FMN2: variants seen among roughly 807,000 people sequenced by gnomAD.
The protein encoded by FMN2 is formin 2, also known as formin-2.
Under a neutral mutation model 142.3 loss-of-function variants are expected in FMN2, and 51 were observed. The ratio of observed to expected loss-of-function variants is 0.36; its 90% confidence interval spans 0.29 to 0.45. FMN2 has a LOEUF of 0.45. FMN2 is among the 20% of genes least tolerant of loss of function. FMN2 has a pLI of 1.00. For synonymous variants in FMN2, 882 were observed against 869.8 expected, an observed-to-expected ratio of 1.01 and a Z score of -0.25; for missense variants, 1,936 against 2,122.8, an observed-to-expected ratio of 0.91 and a Z score of 1.73.
intron 15 of FMN2, among the ~76,000 whole-genome samples, chr1:240,426,309 T>TAA (rs11369353): frequency 7.2e-5 from 11 of 151,780 alleles, no homozygotes; most frequent in South Asian, 4.2e-4. Context: ...TCTTTTCAAG[T>TAA]AAAAAAAATC....
chr1:240,093,239 G>A lies in FMN2; in HGVS notation c.1130G>A (p.Arg377Lys). Residue 377 changes from arginine (R) to lysine (K), a missense_variant, in exon 1 of 18, where the codon AGG becomes AAG. Around this residue, in one of 8 missense-constraint regions of FMN2, gnomAD observed 751 missense variants for 791.8 expected, o/e 0.95. Coordinates refer to ENST00000319653, the MANE Select transcript of FMN2 (RefSeq NM_020066.5). ...APEVGEDAPQ[R>K]LGEEPEEEAQ... The stretch of plus-strand genomic sequence containing the variant: ...GAGGTGGGAGAGGACGCCCCGCAGA[G>A]GCTGGGGGAAGAGCCGGAGGAGGAG... The A allele has an allele frequency of 1.3e-6, 2 of 1,564,180 alleles. No homozygotes were observed. Among genetic ancestry groups the A allele is most frequent in the African/African-American group, 2.7e-5 (2 of 73,650 alleles).
At chr1:240,376,111 C>T (rs1673034429) in intron 14 of FMN2, among the ~76,000 whole-genome samples, 1 of 151,910 alleles carries the variant, frequency 6.6e-6, no homozygotes, top group Non-Finnish European at 1.5e-5. Flanking sequence ...GTTCTGAGGT[C>T]TGATTTGCCT....
chr1:240,245,838 T>C (rs989759473), intron 6 of FMN2, among the ~76,000 whole-genome samples: 3 of 152,174 alleles, frequency 2.0e-5, no homozygotes, highest in African/African-American at 7.2e-5. Context: ...TAACTGATGA[T>C]GGCTCACTTC....
intron 2 of FMN2, among the ~76,000 whole-genome samples, chr1:240,154,929 C>CA (rs1351762546): frequency 1.4e-5 from 2 of 145,496 alleles, no homozygotes; most frequent in Non-Finnish European, 3.0e-5. Flanking sequence ...TGCTGTCGTC[C>CA]AGGCTGGAGT....
intron 6 of FMN2, among the ~76,000 whole-genome samples, chr1:240,241,700 C>G (rs1667901250): frequency 6.6e-6 from 1 of 151,872 alleles, no homozygotes; most frequent in African/African-American, 2.4e-5. Flanking sequence ...GGCTATGGCG[C>G]TACTCCTCTT....
intron 6 of FMN2, among the ~76,000 whole-genome samples, chr1:240,229,077 C>T (rs1667446385): frequency 6.6e-6 from 1 of 151,830 alleles, no homozygotes; most frequent in African/African-American, 2.4e-5. Flanking sequence ...GACAGATTTG[C>T]TGTGTTTATG....
At chr1:240,427,825 G>A (rs1675012018) in intron 15 of FMN2, among the ~76,000 whole-genome samples, 1 of 152,156 alleles carries the variant, frequency 6.6e-6, no homozygotes, top group African/African-American at 2.4e-5. Context: ...TAGGTGGTAT[G>A]GTGTGTTCTA....
At chr1:240,392,019 C>T (rs960630519) in intron 14 of FMN2, among the ~76,000 whole-genome samples, 1 of 151,922 alleles carries the variant, frequency 6.6e-6, no homozygotes, top group Non-Finnish European at 1.5e-5. Flanking sequence ...TCAGAACAGA[C>T]CATGATCTGT....
At position 240,474,281 on chromosome 1, in the gene FMN2, T is replaced by C. The variant is rs1381534762; in HGVS notation, c.*127T>C. ...TTCTTGACCTCTTGCATAATCTTTTTGTTTTCTAGACAGTTCACTAATTGT... is the reference window on the plus strand; with the variant it reads ...TTCTTGACCTCTTGCATAATCTTTTCGTTTTCTAGACAGTTCACTAATTGT... On this transcript the variant is annotated 3_prime_UTR_variant, in exon 18 of 18. Coordinates refer to ENST00000319653, the MANE Select transcript of FMN2 (RefSeq NM_020066.5). 4.6e-6 allele frequency: 4 copies of C among 866,648 alleles called. No individual in the cohort carries two copies. In the African/African-American group the frequency reaches 5.3e-5, roughly 12 times the overall value. The allele number at this position is 866,648 out of a possible 1,614,324, so 53.7% of individuals were successfully genotyped here. A position where few individuals can be genotyped will look rare whatever the true frequency, so the allele number is the denominator to read the frequency against.
At chr1:240,154,433 GT>G (rs1663927241) in intron 2 of FMN2, among the ~76,000 whole-genome samples, 1 of 152,142 alleles carries the variant, frequency 6.6e-6, no homozygotes, top group Non-Finnish European at 1.5e-5. Flanking sequence ...GGAAAACCTG[GT>G]TTCTGCCTCA....
chr1:240,384,575 A>G (rs1006122180), intron 14 of FMN2, among the ~76,000 whole-genome samples: 7 of 151,728 alleles, frequency 4.6e-5, no homozygotes, highest in Non-Finnish European at 1.0e-4. Flanking sequence ...TTTCTACTTG[A>G]CTAAGACTTG....
intron 8 of FMN2, among the ~76,000 whole-genome samples, chr1:240,320,718 G>A (rs368247880): frequency 1.4e-4 from 22 of 152,142 alleles, no homozygotes; most frequent in Non-Finnish European, 1.2e-4. Flanking sequence ...AGGTTTTACC[G>A]AACATTAGTT....
intron 8 of FMN2, among the ~76,000 whole-genome samples, chr1:240,319,966 G>T (rs1235349153): frequency 1.3e-5 from 2 of 152,154 alleles, no homozygotes; most frequent in African/African-American, 2.4e-5. Context: ...GTTGCAGAAG[G>T]TATATGAGTC....
chr1:240,422,633 G>A (rs999596797), intron 15 of FMN2, among the ~76,000 whole-genome samples: 1 of 152,170 alleles, frequency 6.6e-6, no homozygotes. Context: ...TTAGCTCCGG[G>A]AGTTATTTTG....
intron 8 of FMN2, among the ~76,000 whole-genome samples, chr1:240,302,406 G>T (rs1028562195): frequency 6.6e-6 from 1 of 151,446 alleles, no homozygotes; most frequent in African/African-American, 2.4e-5. Flanking sequence ...CAAGTCCAAA[G>T]AAAAATGAAT....
intron 11 of FMN2, among the ~76,000 whole-genome samples, chr1:240,331,814 T>G (rs1342832446): frequency 6.6e-6 from 1 of 152,178 alleles, no homozygotes; most frequent in Admixed American, 6.5e-5. Context: ...AACACTTACC[T>G]CAGCCTACAG....
intron 6 of FMN2, among the ~76,000 whole-genome samples, chr1:240,211,691 A>T (rs1053037290): frequency 2.6e-5 from 4 of 152,232 alleles, no homozygotes; most frequent in African/African-American, 9.6e-5. Flanking sequence ...CCAGTTAAAC[A>T]GTCACACTGT....
chr1:240,301,331 C>T (rs1328379086), intron 8 of FMN2, among the ~76,000 whole-genome samples: 2 of 151,608 alleles, frequency 1.3e-5, no homozygotes, highest in Non-Finnish European at 2.9e-5. Context: ...CTCTCCTGCT[C>T]CATTTAACTT....
intron 1 of FMN2, among the ~76,000 whole-genome samples, chr1:240,118,037 G>A (rs529060842): frequency 3.9e-5 from 6 of 152,294 alleles, no homozygotes; most frequent in South Asian, 4.1e-4. Flanking sequence ...AGTCATTGAT[G>A]TATGCAGAAG....
Sources: allele counts gnomAD v4.1 joint callset (sites outside exome capture counted in the v4.1 genomes callset), GRCh38; gene constraint gnomAD v4.1.1; regional missense constraint gnomAD v4.1.1; transcripts MANE v1.5; gene names NCBI Gene and HGNC (gene_info 2026-07-23, HGNC 2026-07-21).